MEGF10: variants seen among roughly 807,000 people sequenced by gnomAD.
MEGF10 encodes the protein multiple epidermal growth factor-like domains protein 10.
MEGF10 carries 86 observed loss-of-function variants against 147.5 expected under a neutral mutation model. The ratio of observed to expected loss-of-function variants is 0.58; its 90% CI spans 0.49 to 0.70. MEGF10 has a LOEUF of 0.70. Ranked by LOEUF, MEGF10 falls within the 30% of genes least tolerant of loss-of-function variation. The probability of loss-of-function intolerance (pLI) is 0.00; values close to 1 mark genes in which losing one functional copy is unlikely to be tolerated. For synonymous variants in MEGF10, 478 were observed against 525.5 expected (o/e 0.91, Z 1.24); for missense variants, 1,329 against 1,487.3 (o/e 0.89, Z 1.75).
At chr5:127,272,779 G>A in the MEGF10 span, among the ~76,000 whole-genome samples, 21 of 152,288 alleles carry the variant, frequency 1.4e-4, no homozygotes, top group African/African-American at 4.8e-4. Context: ...CACTGATTTT[G>A]TATACTGAGA....
At chr5:127,257,161 C>T in the MEGF10 span, among the ~76,000 whole-genome samples, 1 of 152,044 alleles carries the variant, frequency 6.6e-6, no homozygotes, top group Non-Finnish European at 1.5e-5. Context: ...GGAGCTACTT[C>T]TTATAGATGA....
Position 127,460,781 on chromosome 5 carries a change from G to A in MEGF10, c.*3463G>A, listed in dbSNP as rs1766532664. The A allele has an allele frequency of 6.6e-6, 1 of 151,928 alleles. No homozygotes were observed. 9.4% of individuals were successfully genotyped at this position (151,928 alleles called of 1,614,324 possible). On this transcript the variant is annotated 3_prime_UTR_variant, in exon 25 of 25. Transcript: ENST00000503335. ...AAAATAATGAATTTTCTATCTCTAG[G>A]CAACATGTCTTTATTATTCAAGCTG...
chr5:127,382,636 A>G (rs1462895935), intron 5 of MEGF10, among the ~76,000 whole-genome samples: 2 of 152,346 alleles, frequency 1.3e-5, no homozygotes, highest in Admixed American at 6.5e-5. Context: ...TTTAAGACAG[A>G]AGATACTATA....
intron 13 of MEGF10, among the ~76,000 whole-genome samples, chr5:127,426,478 A>T (rs1765213361): frequency 1.3e-5 from 2 of 152,222 alleles, no homozygotes; most frequent in Non-Finnish European, 2.9e-5. Flanking sequence ...AAAAAGAGGC[A>T]GATTGCAGTA....
chr5:127,390,974 C>A (rs1763634871), intron 5 of MEGF10, among the ~76,000 whole-genome samples: 1 of 152,112 alleles, frequency 6.6e-6, no homozygotes, highest in African/African-American at 2.4e-5. Flanking sequence ...GTTAATCTAT[C>A]ACGATGCTTG....
intron 4 of MEGF10, among the ~76,000 whole-genome samples, chr5:127,345,235 A>T (rs1271200937): frequency 5.3e-5 from 8 of 152,194 alleles, no homozygotes; most frequent in Non-Finnish European, 7.3e-5. Context: ...TGATGAAGAG[A>T]CTGGCTCTGC....
At chr5:127,245,067 G>A in the MEGF10 span, among the ~76,000 whole-genome samples, 2 of 152,150 alleles carry the variant, frequency 1.3e-5, no homozygotes, top group African/African-American at 2.4e-5. Flanking sequence ...TCCCCATGAA[G>A]CTACCATTGA....
chr5:127,306,502 A>G (rs1041687178), intron 1 of MEGF10, among the ~76,000 whole-genome samples: 2 of 152,184 alleles, frequency 1.3e-5, no homozygotes, highest in African/African-American at 4.8e-5. Context: ...CCCATTTAGC[A>G]TATGCTGGGA....
the MEGF10 span, among the ~76,000 whole-genome samples, chr5:127,247,337 A>C: frequency 4.3e-3 from 11 of 2,570 alleles, no homozygotes; most frequent in African/African-American, 8.7e-3. Flanking sequence ...AAGAAGAAGA[A>C]GAAGAAGAAG....
intron 4 of MEGF10, among the ~76,000 whole-genome samples, chr5:127,352,957 C>T (rs896101171): frequency 2.0e-5 from 3 of 152,202 alleles, no homozygotes; most frequent in Non-Finnish European, 4.4e-5. Context: ...AGCTCTTGCA[C>T]TCATCGACAT....
the MEGF10 span, among the ~76,000 whole-genome samples, chr5:127,278,479 AC>A: frequency 6.6e-6 from 1 of 152,242 alleles, no homozygotes; most frequent in Admixed American, 6.5e-5. Flanking sequence ...TAGGAGGAGA[AC>A]CAAACAGAGT....
intron 8 of MEGF10, among the ~76,000 whole-genome samples, chr5:127,403,945 T>C (rs1176453034): frequency 6.6e-6 from 1 of 152,214 alleles, no homozygotes; most frequent in Non-Finnish European, 1.5e-5. Context: ...TTACTTTCTT[T>C]GGGTATATAC....
intron 1 of MEGF10, among the ~76,000 whole-genome samples, chr5:127,312,274 C>T (rs1245843591): frequency 6.6e-6 from 1 of 152,154 alleles, no homozygotes; most frequent in African/African-American, 2.4e-5. Context: ...CTTGTGGGCA[C>T]CAGGCTTTGC....
At chr5:127,409,354 C>A (rs1304042679) in intron 8 of MEGF10, among the ~76,000 whole-genome samples, 2 of 152,202 alleles carry the variant, frequency 1.3e-5, no homozygotes. Context: ...GCTGCCGAGA[C>A]AAAGTGTACC....
chr5:127,410,554 C>A lies in MEGF10; in HGVS notation c.1083C>A (p.Gly361=). Residue 361 remains glycine, a synonymous_variant, in exon 9 of 25, where the codon GGC becomes GGA. Coordinates refer to ENST00000503335, the MANE Select transcript of MEGF10 (RefSeq NM_001256545.2). ...EARLCPEGLY[G]IKCDKRCPCH... is the part of the protein sequence containing the mutation. Reference sequence around the variant, plus strand: ...GCCTGTGTCCTGAGGGGCTCTACGGCATCAAATGTGACAAACGGTGTCCCT... The same window carrying A: ...GCCTGTGTCCTGAGGGGCTCTACGGAATCAAATGTGACAAACGGTGTCCCT... 5 of 1,612,324 alleles carry A rather than the reference C, an allele frequency of 3.1e-6. No individual in the cohort carries two copies. The highest frequency in any genetic ancestry group is 4.2e-6 in the Non-Finnish European group (5 of 1,179,928).
chr5:127,271,671 A>C, the MEGF10 span, among the ~76,000 whole-genome samples: 6 of 151,814 alleles, frequency 4.0e-5, no homozygotes, highest in Non-Finnish European at 8.8e-5. Flanking sequence ...TTCTTACAAG[A>C]TCTGATGGTT....
chr5:127,429,557 C>G (rs1348327452), intron 13 of MEGF10, among the ~76,000 whole-genome samples: 1 of 152,164 alleles, frequency 6.6e-6, no homozygotes, highest in Non-Finnish European at 1.5e-5. Flanking sequence ...CTATGGTGAG[C>G]AAAAACAGGC....
rs185692542 is a variant in MEGF10, at chr5:127,312,861, A to G, written c.-18-18430A>G. On this transcript the variant is annotated intron_variant, in intron 1 of 24. Coordinates refer to ENST00000503335, the MANE Select transcript of MEGF10 (RefSeq NM_001256545.2). The stretch of plus-strand genomic sequence containing the variant: ...TTAGAAAGGTTTCAGATAACCTGAA[A>G]CCATGGTAAATTACCATATTTTAAT... Among the ~76,000 whole-genome samples, 761 of 152,304 alleles carry G rather than the reference A, an allele frequency of 5.0e-3. 1 individual carries two copies. The highest frequency in any genetic ancestry group is 0.017 in the African/African-American group (724 of 41,558).
intron 5 of MEGF10, among the ~76,000 whole-genome samples, chr5:127,383,764 T>C (rs1014616130): frequency 4.6e-5 from 7 of 152,226 alleles, no homozygotes; most frequent in African/African-American, 1.7e-4. Context: ...ACAAATGTTA[T>C]ACAATGTTCA....
Sources: gnomAD v4.1 joint callset for allele counts (sites outside exome capture counted in the v4.1 genomes callset) on GRCh38, gnomAD v4.1.1 for gene constraint, MANE v1.5 for transcripts, NCBI Gene and HGNC (gene_info 2026-07-23, HGNC 2026-07-21) for gene names.